The following CCM2L variants were observed in gnomAD, a reference collection of about 807,000 sequenced individuals.
CCM2L encodes the protein cerebral cavernous malformations 2 protein-like.
Under a neutral mutation model 54.1 loss-of-function variants are expected in CCM2L, and 36 were observed. That is an observed-to-expected ratio of 0.67 (90% CI 0.51 to 0.88). The LOEUF is 0.88. Among genes scored for constraint, CCM2L ranks in the 40% least tolerant of loss-of-function variants. The pLI is 0.00. For synonymous variants in CCM2L, 351 were observed against 359.3 expected (o/e 0.98, Z 0.26); for missense variants, 700 against 812.1 (o/e 0.86, Z 1.68).
rs768040472 is a variant in CCM2L, at chr20:32,022,731, G to C, written c.1005G>C (p.Glu335Asp). 6.2e-7 allele frequency: 1 copy of C among 1,613,918 alleles called. No individual in the cohort carries two copies. The highest frequency in any genetic ancestry group is 8.5e-7 in the Non-Finnish European group (1 of 1,180,034). The part of the protein sequence containing the change: ...FQIIYGDQSI[E>D]CVDRAGYHYT... ...TCATCTACGGGGACCAGAGTATTGA[G>C]TGTGTGGACCGGGCTGGCTACCACT... Residue 335 changes from glutamate (E) to aspartate (D), a missense_variant, in exon 6 of 10, where the codon GAG becomes GAC. Glu to Asp is a conservative substitution (Grantham distance 45). Transcript: ENST00000452892.
intron 5 of CCM2L, 102 bp downstream of exon 5, chr20:32,019,511 C>T (rs1487861634): frequency 1.2e-6 from 1 of 838,322 alleles, no homozygotes; most frequent in East Asian, 3.4e-5. Flanking sequence ...TAGGATCTGC[C>T]CCTGCCTTCT....
At chr20:32,028,793 G>T (rs956282573) in intron 7 of CCM2L, 15 of 606,728 alleles carry the variant, frequency 2.5e-5, no homozygotes, top group Admixed American at 9.1e-5. Flanking sequence ...AGAAGGAGAA[G>T]GGGGGTGGGG....
rs978757756 is a variant in CCM2L at position 32,031,911 on chromosome 20, T to G, written c.*597T>G. On this transcript the variant is annotated 3_prime_UTR_variant, in exon 10 of 10. Coordinates refer to ENST00000452892, the MANE Select transcript of CCM2L (RefSeq NM_001365692.1). ...GTACAGTCAGTGTGGAGTAGACGGT[T>G]TCCTCCACCCAGGGTTGACTCAGGG... 9 of 152,170 alleles carry G rather than the reference T, an allele frequency of 5.9e-5. No homozygotes were observed. The highest frequency in any genetic ancestry group is 1.2e-4 in the Non-Finnish European group (8 of 68,046). The allele number at this position is 152,170 out of a possible 1,614,324, so 9.4% of individuals were successfully genotyped here. A position where few individuals can be genotyped will look rare whatever the true frequency, so the allele number is the denominator to read the frequency against.
At chr20:32,022,348 G>A (rs1555868348) in intron 5 of CCM2L, among the ~76,000 whole-genome samples, 2 of 152,036 alleles carry the variant, frequency 1.3e-5, no homozygotes, top group Non-Finnish European at 2.9e-5. Context: ...CTGGGCCTCC[G>A]TTTCCATATC....
At chr20:32,028,917 A>G in intron 7 of CCM2L, 78 bp from the exon 8 acceptor site, 1 of 1,577,218 alleles carries the variant, frequency 6.3e-7, no homozygotes, top group Non-Finnish European at 8.7e-7. Context: ...GTCTAGGATG[A>G]GGCCTCCTAC....
At chr20:32,018,886 G>A in intron 4 of CCM2L, 57 bp from the exon 5 acceptor site, 2 of 1,248,840 alleles carry the variant, frequency 1.6e-6, no homozygotes, top group East Asian at 3.3e-5. Context: ...CCTCGGCGGG[G>A]CGGGGGGGTC....
At position 32,018,975 on chromosome 20, in the gene CCM2L, G is replaced by T. The variant is rs950109974; in HGVS notation, c.499G>T (p.Asp167Tyr). 176 of 1,404,312 alleles carry T rather than the reference G, an allele frequency of 1.3e-4. No homozygotes were observed. Among genetic ancestry groups the T allele is most frequent in the Non-Finnish European group, 1.6e-4 (168 of 1,083,732 alleles). 87.0% of individuals were successfully genotyped at this position (1,404,312 alleles called of 1,614,324 possible). A position where few individuals can be genotyped will look rare whatever the true frequency, so the allele number is the denominator to read the frequency against. The change falls in exon 5 of 10, where the codon GAT becomes TAT. Residue 167 changes from aspartate (D) to tyrosine (Y), a missense_variant. Asp to Tyr is a radical substitution (Grantham distance 160). Transcript: ENST00000452892. ...TGTGGACCCGGTGCCGGCCGGCGTG[G>T]ATGCCAGCCCAGGCGGCGCAGGACG... Reference protein sequence around the residue: ...LGVDPVPAGVDASPGGAGRDP... With the variant: ...LGVDPVPAGVYASPGGAGRDP...
At chr20:32,029,617 T>G in intron 8 of CCM2L, 83 bp from the exon 9 acceptor site, 1 of 1,495,008 alleles carries the variant, frequency 6.7e-7, no homozygotes. Context: ...AAACATGCCC[T>G]TAGGGAAGGC....
At chr20:32,030,209 C>T (rs987762415) in intron 9 of CCM2L, among the ~76,000 whole-genome samples, 2 of 152,078 alleles carry the variant, frequency 1.3e-5, no homozygotes, top group African/African-American at 4.8e-5. Context: ...AGGAATAATA[C>T]GAATAAGCTG....
chr20:32,017,681 A>T (rs2064751281), intron 2 of CCM2L, 119 bp from the exon 3 acceptor site: 5 of 832,896 alleles, frequency 6.0e-6, no homozygotes, highest in African/African-American at 1.7e-5. Context: ...ATTATCAGGT[A>T]TATTAATTCA....
chr20:32,018,290 G>A (rs1051977119), intron 4 of CCM2L, 128 bp downstream of exon 4: 2 of 742,420 alleles, frequency 2.7e-6, no homozygotes, highest in Non-Finnish European at 2.0e-6. Context: ...AGGGACCTGC[G>A]GCGGGGGCAG....
chr20:32,030,909 G>A, intron 9 of CCM2L, 92 bp from the exon 10 acceptor site: 1 of 1,144,544 alleles, frequency 8.7e-7, no homozygotes, highest in Non-Finnish European at 1.2e-6. Context: ...GTGACAGCAG[G>A]GATTTGCACC....
chr20:32,025,557 A>G (rs766961519), intron 6 of CCM2L, among the ~76,000 whole-genome samples: 5 of 152,026 alleles, frequency 3.3e-5, no homozygotes, highest in Non-Finnish European at 7.4e-5. Context: ...GTGAGCCACA[A>G]ATTTTTTTTT....
Position 32,018,169 on chromosome 20 carries a change from CGGGAGGGGGCGGGGGCGG to C in CCM2L, c.466+16_466+33del. 1 of 1,089,982 alleles carries C rather than the reference CGGGAGGGGGCGGGGGCGG, an allele frequency of 9.2e-7. No individual in the cohort carries two copies. Among genetic ancestry groups the C allele is most frequent in the South Asian group, 2.2e-5 (1 of 45,006 alleles). The allele number at this position is 1,089,982 out of a possible 1,614,324, so 67.5% of individuals were successfully genotyped here. A position where few individuals can be genotyped will look rare whatever the true frequency, so the allele number is the denominator to read the frequency against. Reference sequence around the variant, plus strand: ...CTGCTAGTGCTCAAGACCGGTGCGGCGGGAGGGGGCGGGGGCGGGGGAGGGGCGGGGGCGGGGGCGGGG... The same window carrying C: ...CTGCTAGTGCTCAAGACCGGTGCGGCGGGAGGGGCGGGGGCGGGGGCGGGG... On this transcript the variant is annotated splice_region_variant and intron_variant, in intron 4 of 9. Coordinates refer to ENST00000452892, the MANE Select transcript of CCM2L (RefSeq NM_001365692.1).
At chr20:32,013,541 A>G (rs1400233850) in intron 1 of CCM2L, among the ~76,000 whole-genome samples, 1 of 152,134 alleles carries the variant, frequency 6.6e-6, no homozygotes, top group Non-Finnish European at 1.5e-5. Context: ...TCCCAGGCTC[A>G]GGTGATCCTC....
chr20:32,022,752 C>T lies in CCM2L; in HGVS notation c.1026C>T (p.Tyr342=). The change falls in exon 6 of 10, where the codon TAC becomes TAT. Residue 342 remains tyrosine (Y), a synonymous_variant. Transcript: ENST00000452892. The part of the protein sequence containing the change: ...QSIECVDRAG[Y]HYTSTPERPW... ...TTGAGTGTGTGGACCGGGCTGGCTACCACTACACATCCACACCTGAACGGC... is the reference window on the plus strand; with the variant it reads ...TTGAGTGTGTGGACCGGGCTGGCTATCACTACACATCCACACCTGAACGGC... 6.2e-7 allele frequency: 1 copy of T among 1,613,692 alleles called. No individual in the cohort carries two copies. Among genetic ancestry groups the T allele is most frequent in the Non-Finnish European group, 8.5e-7 (1 of 1,180,016 alleles).
intron 6 of CCM2L, 130 bp downstream of exon 6, chr20:32,022,925 C>T: frequency 2.0e-6 from 2 of 982,642 alleles, no homozygotes; most frequent in South Asian, 3.5e-5. Context: ...TTACAGTGTA[C>T]CCCACAATTG....
chr20:32,020,980 A>C (rs1337428738), intron 5 of CCM2L, among the ~76,000 whole-genome samples: 1 of 152,080 alleles, frequency 6.6e-6, no homozygotes, highest in Non-Finnish European at 1.5e-5. Flanking sequence ...CAAAACAAAA[A>C]AACATCAAAA....
chr20:32,015,055 T>C lies in CCM2L; in HGVS notation c.182T>C (p.Leu61Pro), dbSNP rs755989093. The change falls in exon 2 of 10, where the codon CTG becomes CCG. Residue 61 changes from leucine (L) to proline (P), a missense_variant. By Grantham distance (98) the Leu-to-Pro change is moderately conservative. Coordinates refer to ENST00000452892, the MANE Select transcript of CCM2L (RefSeq NM_001365692.1). ...IDPQILLCDYLEKEVKFLGHL... is the reference protein window; with the variant it reads ...IDPQILLCDYPEKEVKFLGHL... Reference sequence around the variant, plus strand: ...CCCCAGATTCTGCTGTGTGACTACCTGGAGAAAGAGGTCAAGGTGCGTGCA... The same window carrying C: ...CCCCAGATTCTGCTGTGTGACTACCCGGAGAAAGAGGTCAAGGTGCGTGCA... 2.6e-6 allele frequency: 4 copies of C among 1,522,974 alleles called. No individual in the cohort carries two copies. The allele number at this position is 1,522,974 out of a possible 1,614,324, so 94.3% of individuals were successfully genotyped here.
Sources: gnomAD v4.1 joint callset for allele counts (sites outside exome capture counted in the v4.1 genomes callset) on GRCh38, gnomAD v4.1.1 for gene constraint, MANE v1.5 for transcripts, NCBI Gene and HGNC (gene_info 2026-07-23, HGNC 2026-07-21) for gene names.